GRAMD2B: variants seen among roughly 807,000 people sequenced by gnomAD.
The protein encoded by GRAMD2B is GRAM domain-containing protein 2B.
GRAMD2B carries 41 observed loss-of-function variants against 59.2 expected under a neutral mutation model. That is an observed-to-expected ratio of 0.69 (90% confidence interval 0.54 to 0.90). The LOEUF (loss-of-function observed/expected upper bound fraction) is 0.90. Ranked by LOEUF, GRAMD2B falls within the 40% of genes least tolerant of loss-of-function variation. The pLI, the probability that GRAMD2B is intolerant of heterozygous loss-of-function variation, is 0.00. For synonymous variants in GRAMD2B, 161 were observed against 182.7 expected (o/e 0.88, Z 0.96); for missense variants, 424 against 500.5 (o/e 0.85, Z 1.46).
rs77501319 is a variant in GRAMD2B at position 126,489,207 on chromosome 5, G to A, written c.1257+315G>A. Among the ~76,000 whole-genome samples, 411 of 152,294 alleles carry A rather than the reference G, an allele frequency of 2.7e-3. 2 individuals are homozygous for A. Among genetic ancestry groups the A allele is most frequent in the African/African-American group, 9.5e-3 (393 of 41,552 alleles). On this transcript the variant is annotated intron_variant, in intron 13 of 13. Coordinates refer to ENST00000285689, the MANE Select transcript of GRAMD2B (RefSeq NM_023927.4). ...TACTGACATCGGAGCTTAATGTAGG[G>A]ACATAGTAGGGAGTGAACTGGAGAC...
At chr5:126,361,823 C>T (rs575336947) in intron 1 of GRAMD2B, among the ~76,000 whole-genome samples, 23 of 152,298 alleles carry the variant, frequency 1.5e-4, no homozygotes, top group East Asian at 3.9e-4. Flanking sequence ...GTTAATTGCT[C>T]ACTGTGGCTG....
intron 1 of GRAMD2B, among the ~76,000 whole-genome samples, chr5:126,443,586 T>A (rs999228650): frequency 6.6e-6 from 1 of 152,218 alleles, no homozygotes. Context: ...CTTTGCCCAG[T>A]CACCTTCTGC....
intron 3 of GRAMD2B, among the ~76,000 whole-genome samples, chr5:126,470,157 A>G (rs926834411): frequency 6.6e-6 from 1 of 152,190 alleles, no homozygotes; most frequent in African/African-American, 2.4e-5. Flanking sequence ...CTGCCTGAAT[A>G]GTAGTAGGCC....
chr5:126,392,487 G>T (rs1580763934), intron 1 of GRAMD2B, among the ~76,000 whole-genome samples: 1 of 152,194 alleles, frequency 6.6e-6, no homozygotes, highest in South Asian at 2.1e-4. Context: ...CCAAAGATTT[G>T]TATTGGAGGC....
At chr5:126,437,705 AAAAC>A (rs1762641325) in intron 1 of GRAMD2B, among the ~76,000 whole-genome samples, 2 of 152,366 alleles carry the variant, frequency 1.3e-5, no homozygotes, top group Non-Finnish European at 1.5e-5. Context: ...GAATCATGAA[AAAAC>A]AAACAAGGAA....
intron 9 of GRAMD2B, 106 bp from the exon 10 acceptor site, chr5:126,484,296 C>A: frequency 7.7e-7 from 1 of 1,307,140 alleles, no homozygotes; most frequent in Non-Finnish European, 1.0e-6. Context: ...CATCCATTCA[C>A]ATTCTTGACC....
chr5:126,483,985 AG>A (rs1253244665), intron 9 of GRAMD2B, among the ~76,000 whole-genome samples: 54 of 152,134 alleles, frequency 3.5e-4, no homozygotes, highest in African/African-American at 1.2e-3. Flanking sequence ...TGCGCCATCA[AG>A]CCCGGCTAAT....
Position 126,423,557 on chromosome 5 carries a change from G to A in GRAMD2B, c.-50G>A. 6.3e-7 allele frequency: 1 copy of A among 1,589,280 alleles called. No homozygotes were observed. Among genetic ancestry groups the A allele is most frequent in the African/African-American group, 1.3e-5 (1 of 74,488 alleles). On this transcript the variant is annotated 5_prime_UTR_variant, in exon 1 of 14. Transcript: ENST00000285689. The stretch of plus-strand genomic sequence containing the variant: ...GACCTAGAAGCCGGGACGAGCCGGG[G>A]CAGAGCCAGGCGCGCGGAAGTCTGA...
At chr5:126,442,719 G>T (rs117189812) in intron 1 of GRAMD2B, among the ~76,000 whole-genome samples, 3 of 151,990 alleles carry the variant, frequency 2.0e-5, no homozygotes, top group Non-Finnish European at 4.4e-5. Flanking sequence ...AAGGTACCAC[G>T]TACAACTGGT....
chr5:126,422,272 C>A (rs188580454), upstream of GRAMD2B, among the ~76,000 whole-genome samples: 13 of 151,690 alleles, frequency 8.6e-5, no homozygotes, highest in East Asian at 2.3e-3. Context: ...TCTTGGCCCA[C>A]CACAACCTCC....
chr5:126,417,145 A>T (rs1561493456), intron 1 of GRAMD2B, among the ~76,000 whole-genome samples: 1 of 152,220 alleles, frequency 6.6e-6, no homozygotes, highest in South Asian at 2.1e-4. Flanking sequence ...GATGGCCCCT[A>T]GTGAGTTGGT....
intron 1 of GRAMD2B, among the ~76,000 whole-genome samples, chr5:126,430,762 T>G (rs986096589): frequency 3.3e-5 from 5 of 152,204 alleles, no homozygotes; most frequent in Non-Finnish European, 5.9e-5. Context: ...TAAAGACAGG[T>G]CAGTGCCTTA....
At position 126,484,436 on chromosome 5, in the gene GRAMD2B, T is replaced by C. The variant is rs767754736; in HGVS notation, c.882T>C (p.Asn294=). Residue 294 remains asparagine (N), a synonymous_variant, in exon 10 of 14, where the codon AAT becomes AAC. Coordinates refer to ENST00000285689, the MANE Select transcript of GRAMD2B (RefSeq NM_023927.4). ...CGACAGAATCCCAAACAGTTCTGAA[T>C]GTCTCCAAGGGAGAAGCAAAGCCAA... ...FHATESQTVL[N]VSKGEAKPTR... The C allele has an allele frequency of 3.7e-6, 6 of 1,614,174 alleles. No individual in the cohort carries two copies. The highest frequency in any genetic ancestry group is 5.1e-6 in the Non-Finnish European group (6 of 1,180,018).
Position 126,362,864 on chromosome 5 carries a change from T to C in GRAMD2B, c.128+2405T>C, listed in dbSNP as rs910675543. On this transcript the variant is annotated intron_variant, in intron 1 of 13. Transcript: ENST00000513040. ...ACAGACCTTATATAAGAGCTAAAAC[T>C]ATAAAAATCTTAATAAACATACGAG... Among the ~76,000 whole-genome samples the C allele has an allele frequency of 4.6e-5, 7 of 152,222 alleles. No individual in the cohort carries two copies. In the South Asian group the frequency reaches 1.5e-3, roughly 32 times the overall value.
upstream of GRAMD2B, chr5:126,371,261 T>TA: frequency 2.8e-6 from 3 of 1,081,746 alleles, no homozygotes; most frequent in Non-Finnish European, 3.4e-6. Context: ...GTCACACTGA[T>TA]ATGTTAATCA....
chr5:126,478,204 G>A (rs1581228055), intron 6 of GRAMD2B, among the ~76,000 whole-genome samples: 1 of 151,090 alleles, frequency 6.6e-6, no homozygotes, highest in East Asian at 1.9e-4. Flanking sequence ...GCTGAGGGCT[G>A]AGGTGGGAGA....
chr5:126,400,808 T>A lies in GRAMD2B; in HGVS notation c.125+29241T>A, dbSNP rs141392273. On this transcript the variant is annotated intron_variant, in intron 1 of 8. Transcript: ENST00000506445. The stretch of plus-strand genomic sequence containing the variant: ...TGGCATGCTAGTTTCTGCTGGTAAA[T>A]CTTCTGATAGTCTTATATACATTCC... 5.0e-4 allele frequency among the ~76,000 whole-genome samples: 76 copies of A among 152,248 alleles called. No individual in the cohort carries two copies. In the East Asian group the frequency reaches 0.013, roughly 26 times the overall value.
intron 1 of GRAMD2B, among the ~76,000 whole-genome samples, chr5:126,398,189 A>T (rs942868531): frequency 6.6e-6 from 1 of 151,356 alleles, no homozygotes; most frequent in Non-Finnish European, 1.5e-5. Context: ...ATGCCAACTA[A>T]TTTTTTTATT....
intron 1 of GRAMD2B, among the ~76,000 whole-genome samples, chr5:126,453,349 A>G (rs1263201692): frequency 6.6e-4 from 2 of 3,024 alleles, no homozygotes; most frequent in Non-Finnish European, 0.059. Flanking sequence ...ATCTTAAAAG[A>G]AAAAAAAAAA....
Sources: gnomAD v4.1 joint callset for allele counts (sites outside exome capture counted in the v4.1 genomes callset) on GRCh38, gnomAD v4.1.1 for gene constraint, MANE v1.5 for transcripts, NCBI Gene and HGNC (gene_info 2026-07-23, HGNC 2026-07-21) for gene names.